Variants in ABCB8 observed in about 807,000 individuals in gnomAD.
ABCB8 encodes the protein ATP binding cassette subfamily B member 8, also known as mitochondrial potassium channel ATP-binding subunit.
A neutral mutation model predicts 73.0 loss-of-function variants in ABCB8; 52 were observed. That is an observed-to-expected ratio of 0.71 (90% CI 0.57 to 0.90). The LOEUF is 0.90. Ranked by LOEUF, ABCB8 falls within the 40% of genes least tolerant of loss-of-function variation. The pLI, the probability that ABCB8 is intolerant of heterozygous loss-of-function variation, is 0.00. For missense variants in ABCB8, 909 were observed against 974.6 expected (o/e 0.93, Z 0.90); for synonymous variants, 428 against 423.5 (o/e 1.01, Z -0.13).
Position 151,034,281 on chromosome 7 carries a change from G to C in ABCB8, c.417G>C (p.Leu139Phe), listed in dbSNP as rs747764610. ...LVLGVAVVLA[L>F]GAALVNVQIP... ...CTGTCTCCCCATTCCAGCTGGCCTT[G>C]GGTGCGGCACTCGTGAATGTACAGA... Residue 139 changes from leucine to phenylalanine, a missense_variant, in exon 3 of 16, where the codon TTG becomes TTC. Physicochemically the swap from Leu to Phe is conservative, Grantham distance 22. Coordinates refer to ENST00000358849, the MANE Select transcript of ABCB8 (RefSeq NM_007188.5). 6.2e-7 allele frequency: 1 copy of C among 1,612,040 alleles called. No individual in the cohort carries two copies. The highest frequency in any genetic ancestry group is 2.2e-5 in the East Asian group (1 of 44,864).
chr7:151,033,909 G>T lies in ABCB8; in HGVS notation c.400G>T (p.Ala134Ser). 1 of 1,594,826 alleles carries T rather than the reference G, an allele frequency of 6.3e-7. No homozygotes were observed. The change falls in exon 2 of 16, where the codon GCC becomes TCC. Residue 134 changes from alanine to serine, a missense_variant. Physicochemically the swap from Ala to Ser is moderately conservative, Grantham distance 99. Transcript: ENST00000358849. ...LHPHLLVLGV[A>S]VVLALGAALV... ...CCCCCACCTGCTGGTCCTGGGGGTA[G>T]CCGTCGTGGTGAGGCTTTCCCCACT... is the stretch of plus-strand genomic sequence containing the variant.
At chr7:151,035,849 G>A (rs200911168) in intron 6 of ABCB8, 33 bp from the exon 7 acceptor site, 1 of 1,611,548 alleles carries the variant, frequency 6.2e-7, no homozygotes, top group Non-Finnish European at 8.5e-7. Flanking sequence ...CTGTTTTCTG[G>A]ACTCCTTGTC....
chr7:151,043,514 G>A (rs1796526399), intron 14 of ABCB8, among the ~76,000 whole-genome samples: 1 of 143,482 alleles, frequency 7.0e-6, no homozygotes, highest in African/African-American at 2.6e-5. Context: ...AGTGTGGGGT[G>A]GAGGGTCAGA....
At chr7:151,032,443 C>T (rs761110051) in intron 1 of ABCB8, among the ~76,000 whole-genome samples, 9 of 152,212 alleles carry the variant, frequency 5.9e-5, no homozygotes, top group Non-Finnish European at 1.2e-4. Flanking sequence ...TACCTGGAAT[C>T]CCAGCACTTT....
intron 1 of ABCB8, 178 bp downstream of exon 1, chr7:151,028,788 C>A: frequency 6.5e-7 from 1 of 1,542,048 alleles, no homozygotes; most frequent in Non-Finnish European, 8.7e-7. Flanking sequence ...AGTGACACTC[C>A]AGTCGCCAGC....
rs559664493 is a variant in ABCB8 at position 151,040,189 on chromosome 7, C to T, written c.1218-79C>T. 1.0e-5 allele frequency: 16 copies of T among 1,535,434 alleles called. No homozygotes were observed. In the East Asian group the frequency reaches 1.8e-4, roughly 17 times the overall value. ...CAGGCCACCTGCTTCCTTGCTCCCC[C>T]GCCCCACCGTGGCTTCCTTCCCCTC... On this transcript the variant is annotated intron_variant, in intron 9 of 15. Transcript: ENST00000358849.
At chr7:151,034,657 GT>G in intron 4 of ABCB8, 58 bp downstream of exon 4, 2 of 1,611,718 alleles carry the variant, frequency 1.2e-6, no homozygotes, top group Admixed American at 3.3e-5. Context: ...GGGTCTGGGG[GT>G]AGGACCTTAT....
At chr7:151,030,159 G>A (rs964767503) in intron 1 of ABCB8, among the ~76,000 whole-genome samples, 7 of 152,266 alleles carry the variant, frequency 4.6e-5, no homozygotes, top group African/African-American at 1.7e-4. Context: ...AAGTATATAT[G>A]TGTTCATTAG....
In ABCB8 at chr7:151,045,387, G is replaced by A. The variant is rs1340279841; in HGVS notation, c.*38G>A. 24 of 1,473,576 alleles carry A rather than the reference G, an allele frequency of 1.6e-5. No homozygotes were observed. The highest frequency in any genetic ancestry group is 2.2e-5 in the Non-Finnish European group (24 of 1,108,716). 91.3% of individuals were successfully genotyped at this position (1,473,576 alleles called of 1,614,324 possible). A position where few individuals can be genotyped will look rare whatever the true frequency, so the allele number is the denominator to read the frequency against. On this transcript the variant is annotated 3_prime_UTR_variant, in exon 16 of 16. Transcript: ENST00000358849. ...GAGGTGTGGTCGCTGCCAAGCATCA[G>A]TGTTAGGGCTGGGGCTCAGCCTGGG...
Position 151,036,650 on chromosome 7 carries a change from G to C in ABCB8, c.1217+1G>C. 6.2e-7 allele frequency: 1 copy of C among 1,600,420 alleles called. No individual in the cohort carries two copies. Among genetic ancestry groups the C allele is most frequent in the Non-Finnish European group, 8.5e-7 (1 of 1,171,630 alleles). On this transcript the variant is annotated splice_donor_variant, in intron 9 of 15. Transcript: ENST00000358849. LOFTEE classifies it high-confidence loss of function. ...TGGTGGCCTCCCAGACAGTGCAAAG[G>C]TAAGTGGGGGCCGTTCCCATTGCTA...
chr7:151,045,214 G>C lies in ABCB8; in HGVS notation c.2022G>C (p.Gly674=). The change falls in exon 16 of 16, where the codon GGG becomes GGC. Residue 674 remains glycine (G), a synonymous_variant. Coordinates refer to ENST00000358849, the MANE Select transcript of ABCB8 (RefSeq NM_007188.5). ...CCTTCCCTCCCATCTTCCAGGCTGG[G>C]ACACATGAAGAGCTCCTGAAGAAAG... ...VMADGRVWEA[G]THEELLKKGG... is the part of the protein sequence containing the mutation. 1 of 1,575,874 alleles carries C rather than the reference G, an allele frequency of 6.3e-7. No homozygotes were observed. Among genetic ancestry groups the C allele is most frequent in the Non-Finnish European group, 8.6e-7 (1 of 1,158,864 alleles).
At chr7:151,032,720 A>G (rs1019016186) in intron 1 of ABCB8, 1 of 273,192 alleles carries the variant, frequency 3.7e-6, no homozygotes. Flanking sequence ...CAATGTCTAG[A>G]ATAGTGGAAT....
intron 13 of ABCB8, 33 bp from the exon 14 acceptor site, chr7:151,041,928 A>G (rs201796773): frequency 4.1e-5 from 66 of 1,607,234 alleles, no homozygotes; most frequent in African/African-American, 2.7e-5. Context: ...GAATGTTTCT[A>G]TGGACTCTGT....
Position 151,044,046 on chromosome 7 carries a change from C to T in ABCB8, c.1841C>T (p.Thr614Met), listed in dbSNP as rs768742318. Residue 614 changes from threonine (T) to methionine (M), a missense_variant, in exon 15 of 16, where the codon ACG becomes ATG. Transcript: ENST00000358849. ...GCCCGAGCCCTTATCAAGCAGCCCA[C>T]GGTGCTGATACTGGATGAAGCTACC... ...AIARALIKQP[T>M]VLILDEATSA... The T allele has an allele frequency of 8.1e-6, 13 of 1,613,422 alleles. No individual in the cohort carries two copies. Among genetic ancestry groups the T allele is most frequent in the South Asian group, 4.4e-5 (4 of 91,080 alleles).
At chr7:151,040,456 C>G (rs1796424680) in intron 10 of ABCB8, 42 bp from the exon 11 acceptor site, 2 of 1,591,598 alleles carry the variant, frequency 1.3e-6, no homozygotes, top group Non-Finnish European at 1.7e-6. Flanking sequence ...TGTTGTCACC[C>G]CTACTCCTGC....
intron 2 of ABCB8, 87 bp downstream of exon 2, chr7:151,034,004 G>A: frequency 1.4e-6 from 2 of 1,447,704 alleles, no homozygotes; most frequent in East Asian, 2.4e-5. Context: ...CTGCCTCTCA[G>A]GGGAGAGCTC....
chr7:151,036,286 C>T (rs1693139722), intron 8 of ABCB8, 116 bp downstream of exon 8: 5 of 1,096,346 alleles, frequency 4.6e-6, no homozygotes, highest in Non-Finnish European at 2.6e-6. Context: ...TCGCCTCGGG[C>T]CAGCTGCTAA....
At chr7:151,038,045 C>G (rs544456617) in intron 9 of ABCB8, 2 of 153,716 alleles carry the variant, frequency 1.3e-5, no homozygotes, top group Admixed American at 6.5e-5. Context: ...GAGATGGGGT[C>G]TTGGGGGGCT....
chr7:151,035,602 G>T lies in ABCB8; in HGVS notation c.787G>T (p.Val263Leu). Residue 263 changes from valine (V) to leucine (L), a missense_variant, in exon 6 of 16, where the codon GTG becomes TTG. By Grantham distance (32) the Val-to-Leu change is conservative. Coordinates refer to ENST00000358849, the MANE Select transcript of ABCB8 (RefSeq NM_007188.5). ...ISQGLRSCTQ[V>L]AGCLVSLSML... ...CTAGGGGCTGCGAAGCTGCACCCAGGTGGCAGGCTGCCTGGTGTCCCTGTC... is the reference window on the plus strand; with the variant it reads ...CTAGGGGCTGCGAAGCTGCACCCAGTTGGCAGGCTGCCTGGTGTCCCTGTC... 6.2e-7 allele frequency: 1 copy of T among 1,601,808 alleles called. No homozygotes were observed.
Sources: allele counts gnomAD v4.1 joint callset (sites outside exome capture counted in the v4.1 genomes callset), GRCh38; gene constraint gnomAD v4.1.1; transcripts MANE v1.5; gene names NCBI Gene and HGNC (gene_info 2026-07-23, HGNC 2026-07-21).